The following SLCO6A1 variants were observed in gnomAD, a reference collection of about 807,000 sequenced individuals.
The protein encoded by SLCO6A1 is solute carrier organic anion transporter family member 6A1, also known as cancer/testis antigen 48.
A neutral mutation model predicts 72.7 loss-of-function variants in SLCO6A1; 65 were observed. That is an observed-to-expected ratio of 0.89 (90% CI 0.73 to 1.10). The LOEUF (loss-of-function observed/expected upper bound fraction) is 1.10, where lower values mean the gene tolerates loss of function less well. Ranked by LOEUF, SLCO6A1 falls within the 50% of genes least tolerant of loss-of-function variation. The pLI, the probability that SLCO6A1 is intolerant of heterozygous loss-of-function variation, is 0.00. For synonymous variants in SLCO6A1, 314 were observed against 298.2 expected (o/e 1.05, Z -0.55); for missense variants, 874 against 872.6 (o/e 1.00, Z -0.02).
intron 12 of SLCO6A1, among the ~76,000 whole-genome samples, chr5:102,375,781 G>A (rs1745750148): frequency 6.6e-6 from 1 of 152,158 alleles, no homozygotes; most frequent in South Asian, 2.1e-4. Context: ...GAGCGTCCAA[G>A]ATACATGAAA....
intron 9 of SLCO6A1, among the ~76,000 whole-genome samples, chr5:102,406,564 A>C (rs114991976): frequency 0.023 from 3,540 of 152,210 alleles, 97 homozygotes; most frequent in African/African-American, 0.068. Context: ...CAAAGTGACA[A>C]GAAAATTTGG....
At chr5:102,453,511 C>A (rs1349727191) in intron 6 of SLCO6A1, among the ~76,000 whole-genome samples, 2 of 152,092 alleles carry the variant, frequency 1.3e-5, no homozygotes, top group African/African-American at 4.8e-5. Context: ...TTTCTTCTTT[C>A]TTTGCATTTT....
chr5:102,434,245 A>G, intron 7 of SLCO6A1, among the ~76,000 whole-genome samples: 1 of 152,136 alleles, frequency 6.6e-6, no homozygotes, highest in Admixed American at 6.6e-5. Flanking sequence ...AGCACAGGAC[A>G]ACTTTGCTTA....
chr5:102,464,518 G>C (rs576792030), intron 4 of SLCO6A1, among the ~76,000 whole-genome samples: 14 of 152,180 alleles, frequency 9.2e-5, no homozygotes, highest in African/African-American at 3.4e-4. Context: ...TTTAATAAAA[G>C]GGACTGTTTA....
intron 1 of SLCO6A1, among the ~76,000 whole-genome samples, chr5:102,493,552 G>A (rs1384639372): frequency 6.6e-6 from 1 of 152,054 alleles, no homozygotes; most frequent in East Asian, 1.9e-4. Context: ...AACTGTGAAA[G>A]GCTGAATTTT....
rs114036660 is a variant in SLCO6A1, at chr5:102,460,968, C to T, written c.900-1191G>A. On this transcript the variant is annotated intron_variant, in intron 4 of 13. Transcript: ENST00000506729. ...TATATATATATATCTGCATATGCTACACTCAGGGAGTTTCAATTCCAGATT... is the reference window on the plus strand; with the variant it reads ...TATATATATATATCTGCATATGCTATACTCAGGGAGTTTCAATTCCAGATT... Among the ~76,000 whole-genome samples the T allele has an allele frequency of 7.0e-3, 1,005 of 142,636 alleles. 12 individuals are homozygous for T. The highest frequency in any genetic ancestry group is 0.013 in the Non-Finnish European group (841 of 65,488). 93.6% of individuals were successfully genotyped at this position (142,636 alleles called of 152,430 possible).
chr5:102,374,561 T>C (rs1026256144), intron 12 of SLCO6A1, among the ~76,000 whole-genome samples: 5 of 152,120 alleles, frequency 3.3e-5, no homozygotes, highest in Non-Finnish European at 7.4e-5. Flanking sequence ...AAGTGTAAAA[T>C]ATTTTACAGT....
intron 10 of SLCO6A1, among the ~76,000 whole-genome samples, chr5:102,396,362 C>T (rs1277148842): frequency 6.6e-6 from 1 of 152,008 alleles, no homozygotes; most frequent in Non-Finnish European, 1.5e-5. Flanking sequence ...AGATATGCGG[C>T]ATTATTTCTG....
chr5:102,452,153 T>A (rs916380498), intron 6 of SLCO6A1, among the ~76,000 whole-genome samples: 19 of 152,174 alleles, frequency 1.2e-4, no homozygotes, highest in African/African-American at 4.3e-4. Context: ...TTCATCTGAG[T>A]CCTATTATGC....
At chr5:102,442,725 C>T (rs1221699543) in intron 6 of SLCO6A1, among the ~76,000 whole-genome samples, 1 of 152,136 alleles carries the variant, frequency 6.6e-6, no homozygotes, top group Admixed American at 6.6e-5. Context: ...AGTAAGAAAA[C>T]GAATACACTT....
Position 102,472,215 on chromosome 5 carries a change from A to G in SLCO6A1, c.899+3482T>C, listed in dbSNP as rs116737250. On this transcript the variant is annotated intron_variant, in intron 4 of 13. Coordinates refer to ENST00000506729, the MANE Select transcript of SLCO6A1 (RefSeq NM_173488.5). ...TTAGAGAGGCAAACAAAATATATTC[A>G]GCACACAGCTTATTCCCTGAAAACT... is the stretch of plus-strand genomic sequence containing the variant. 8.2e-3 allele frequency among the ~76,000 whole-genome samples: 1,252 copies of G among 152,230 alleles called. 12 individuals are homozygous for G. The highest frequency in any genetic ancestry group is 0.015 in the Non-Finnish European group (1,005 of 68,002).
chr5:102,393,102 G>GC (rs1361980268), intron 10 of SLCO6A1, among the ~76,000 whole-genome samples: 1 of 151,490 alleles, frequency 6.6e-6, no homozygotes, highest in Non-Finnish European at 1.5e-5. Context: ...TAATACCACT[G>GC]CCCAATTTCA....
chr5:102,394,870 A>T lies in SLCO6A1; in HGVS notation c.1815-3825T>A, dbSNP rs1021402039. Among the ~76,000 whole-genome samples the T allele has an allele frequency of 2.0e-5, 3 of 152,198 alleles. 1 individual carries two copies. The highest frequency in any genetic ancestry group is 7.2e-5 in the African/African-American group (3 of 41,542). On this transcript the variant is annotated intron_variant, in intron 10 of 13. Transcript: ENST00000506729. ...GGGTAGAAATGGAAATAATTTTGGG[A>T]AAAAATATATCAAGTTACAACAGAA...
chr5:102,490,747 C>G (rs1451021557), intron 1 of SLCO6A1, among the ~76,000 whole-genome samples: 2 of 151,896 alleles, frequency 1.3e-5, no homozygotes, highest in East Asian at 3.9e-4. Context: ...TGGAGTTGTT[C>G]GTTCCTCCTG....
chr5:102,411,596 A>ATTTT (rs111501034), intron 9 of SLCO6A1, among the ~76,000 whole-genome samples: 4 of 148,014 alleles, frequency 2.7e-5, no homozygotes, highest in African/African-American at 7.4e-5. Context: ...CTAAGCTCTG[A>ATTTT]TTTTTTTTTT....
intron 12 of SLCO6A1, among the ~76,000 whole-genome samples, chr5:102,386,161 G>A (rs138548068): frequency 1.3e-5 from 2 of 152,228 alleles, no homozygotes; most frequent in Non-Finnish European, 1.5e-5. Flanking sequence ...GGGCTGGCCT[G>A]ATTCATGGGT....
At chr5:102,460,194 C>T (rs1022247674) in intron 4 of SLCO6A1, among the ~76,000 whole-genome samples, 1 of 152,080 alleles carries the variant, frequency 6.6e-6, no homozygotes, top group African/African-American at 2.4e-5. Flanking sequence ...CCTTATGTTG[C>T]AGAACTGAAG....
chr5:102,487,973 C>T (rs1752515100), intron 1 of SLCO6A1, among the ~76,000 whole-genome samples: 1 of 152,164 alleles, frequency 6.6e-6, no homozygotes, highest in African/African-American at 2.4e-5. Flanking sequence ...TCCATCCCAG[C>T]TTGTTTAAAT....
intron 7 of SLCO6A1, among the ~76,000 whole-genome samples, chr5:102,424,977 A>G (rs898868297): frequency 6.6e-6 from 1 of 152,204 alleles, no homozygotes; most frequent in Non-Finnish European, 1.5e-5. Flanking sequence ...ACACAAATCA[A>G]TAAACATAAT....
Sources: gnomAD v4.1 joint callset for allele counts (sites outside exome capture counted in the v4.1 genomes callset) on GRCh38, gnomAD v4.1.1 for gene constraint, MANE v1.5 for transcripts, NCBI Gene and HGNC (gene_info 2026-07-23, HGNC 2026-07-21) for gene names.